The following JAM2 variants were observed in gnomAD, a reference collection of about 807,000 sequenced individuals.
JAM2 encodes the protein junctional adhesion molecule B.
A neutral mutation model predicts 42.0 loss-of-function variants in JAM2; 17 were observed. The ratio of observed to expected loss-of-function variants is 0.40; its 90% CI spans 0.28 to 0.61. JAM2 has a LOEUF of 0.61. JAM2 is among the 20% of genes least tolerant of loss of function. The pLI is 0.37. For missense variants in JAM2, 319 were observed against 358.3 expected (o/e 0.89, Z 0.89); for synonymous variants, 118 against 128.6 (o/e 0.92, Z 0.56).
intron 3 of JAM2, among the ~76,000 whole-genome samples, chr21:25,691,937 G>A (rs2033890251): frequency 6.6e-6 from 1 of 151,818 alleles, no homozygotes; most frequent in Non-Finnish European, 1.5e-5. Context: ...GCTGAGGCAT[G>A]AGAATGGCTT....
At chr21:25,692,656 C>T (rs545581303) in intron 3 of JAM2, 1 of 152,082 alleles carries the variant, frequency 6.6e-6, no homozygotes, top group Admixed American at 6.5e-5. Flanking sequence ...TTATTATGAC[C>T]AACTTTACTG....
chr21:25,701,416 TCTTC>T (rs1243963754), intron 5 of JAM2, among the ~76,000 whole-genome samples: 1 of 151,158 alleles, frequency 6.6e-6, no homozygotes, highest in Non-Finnish European at 1.5e-5. Context: ...TCCCTCCCTC[TCTTC>T]CTTCCTTTCT....
chr21:25,671,599 A>G (rs990961314), intron 1 of JAM2, among the ~76,000 whole-genome samples: 3 of 151,990 alleles, frequency 2.0e-5, no homozygotes, highest in East Asian at 1.9e-4. Context: ...TCCACCTCCC[A>G]GGTTCAAGTG....
In JAM2 at chr21:25,715,742, G is replaced by A. The variant is rs745749161; in HGVS notation, c.*1070G>A. On this transcript the variant is annotated 3_prime_UTR_variant, in exon 10 of 10. Transcript: ENST00000480456. The stretch of plus-strand genomic sequence containing the variant: ...CAAACGAAAAGTGGATCTAATGTGG[G>A]TTTCTCAACCGATGAACCACAAAAG... 5 of 152,148 alleles carry A rather than the reference G, an allele frequency of 3.3e-5. No homozygotes were observed. Among genetic ancestry groups the A allele is most frequent in the African/African-American group, 7.2e-5 (3 of 41,438 alleles). 9.4% of individuals were successfully genotyped at this position (152,148 alleles called of 1,614,324 possible). A position where few individuals can be genotyped will look rare whatever the true frequency, so the allele number is the denominator to read the frequency against.
chr21:25,644,329 G>A (rs188678519), intron 1 of JAM2: 4 of 152,234 alleles, frequency 2.6e-5, no homozygotes, highest in Non-Finnish European at 2.9e-5. Context: ...GTCTGAAACA[G>A]GTCTCACTGG....
chr21:25,699,753 A>AT (rs2034126861), intron 5 of JAM2, among the ~76,000 whole-genome samples: 4 of 145,900 alleles, frequency 2.7e-5, no homozygotes, highest in Admixed American at 1.4e-4. Context: ...AAAAAAAAAA[A>AT]AATGCATGCT....
At position 25,660,207 on chromosome 21, in the gene JAM2, A is replaced by T. The variant is rs8127185; in HGVS notation, c.67+20319A>T. On this transcript the variant is annotated intron_variant, in intron 1 of 9. Coordinates refer to ENST00000480456, the MANE Select transcript of JAM2 (RefSeq NM_021219.4). ...AAGCCTGGGATTACAGGCCTGAGCC[A>T]CTGCACCCAGCCCCTCTTATAGTTT... is the stretch of plus-strand genomic sequence containing the variant. 5.9e-3 allele frequency among the ~76,000 whole-genome samples: 892 copies of T among 152,342 alleles called. 18 individuals carry two copies. Among genetic ancestry groups the T allele is most frequent in the African/African-American group, 0.021 (862 of 41,562 alleles).
At chr21:25,690,070 T>C in intron 3 of JAM2, 97 bp downstream of exon 3, 2 of 760,276 alleles carry the variant, frequency 2.6e-6, no homozygotes, top group Non-Finnish European at 4.5e-6. Flanking sequence ...GACTGATTAC[T>C]GAAAATGTGT....
chr21:25,685,711 T>C (rs1205381014), intron 2 of JAM2, among the ~76,000 whole-genome samples: 1 of 151,942 alleles, frequency 6.6e-6, no homozygotes, highest in East Asian at 1.9e-4. Flanking sequence ...AAATTAACGA[T>C]TGAGGGAATT....
At chr21:25,670,753 A>C (rs1469975692) in intron 1 of JAM2, among the ~76,000 whole-genome samples, 2 of 152,258 alleles carry the variant, frequency 1.3e-5, no homozygotes, top group African/African-American at 2.4e-5. Flanking sequence ...TCCTGGATTT[A>C]CAGGACCCAA....
In JAM2 at chr21:25,663,021, C is replaced by T. The variant is rs186549774; in HGVS notation, c.68-20862C>T. Among the ~76,000 whole-genome samples the T allele has an allele frequency of 2.7e-3, 413 of 152,238 alleles. 3 individuals carry two copies. Among genetic ancestry groups the T allele is most frequent in the African/African-American group, 9.4e-3 (391 of 41,538 alleles). On this transcript the variant is annotated intron_variant, in intron 1 of 9. Coordinates refer to ENST00000480456, the MANE Select transcript of JAM2 (RefSeq NM_021219.4). The stretch of plus-strand genomic sequence containing the variant: ...TGTATGGGAGGACAGAAGGGGCCAG[C>T]GAAAGCTTTACTTTTCTTGACAGTT...
chr21:25,698,150 C>T (rs1035797858), intron 4 of JAM2, among the ~76,000 whole-genome samples: 8 of 152,166 alleles, frequency 5.3e-5, no homozygotes, highest in Non-Finnish European at 1.2e-4. Context: ...GCCCTTAACT[C>T]TCAGTGAGTT....
At chr21:25,668,253 C>G (rs1379322959) in intron 1 of JAM2, among the ~76,000 whole-genome samples, 1 of 152,172 alleles carries the variant, frequency 6.6e-6, no homozygotes. Flanking sequence ...AATGAAGAAC[C>G]AGTCCAAGGT....
At chr21:25,655,383 C>G (rs1430073879) in intron 1 of JAM2, among the ~76,000 whole-genome samples, 1 of 113,860 alleles carries the variant, frequency 8.8e-6, no homozygotes, top group African/African-American at 4.0e-5. Context: ...TCCTTGAAGC[C>G]CTCTGGTCTT....
At chr21:25,680,858 G>C (rs1226313286) in intron 1 of JAM2, among the ~76,000 whole-genome samples, 4 of 152,096 alleles carry the variant, frequency 2.6e-5, no homozygotes, top group African/African-American at 9.7e-5. Context: ...TCACAAAGCA[G>C]ACAGAATGAA....
intron 8 of JAM2, chr21:25,711,298 T>C (rs772454017): frequency 2.7e-6 from 1 of 367,374 alleles, no homozygotes; most frequent in Non-Finnish European, 5.3e-6. Context: ...ACATGAAATA[T>C]GGGTGAGCTC....
intron 4 of JAM2, among the ~76,000 whole-genome samples, chr21:25,694,681 A>T (rs911216804): frequency 6.6e-6 from 1 of 152,056 alleles, no homozygotes; most frequent in African/African-American, 2.4e-5. Flanking sequence ...CTCTAAAAAA[A>T]AATAAATAAA....
At chr21:25,651,861 G>C (rs2032791818) in intron 1 of JAM2, among the ~76,000 whole-genome samples, 1 of 152,178 alleles carries the variant, frequency 6.6e-6, no homozygotes, top group Admixed American at 6.5e-5. Flanking sequence ...AAAGTAAGAT[G>C]CAGAACAATC....
At chr21:25,704,821 A>G (rs529596846) in intron 6 of JAM2, among the ~76,000 whole-genome samples, 20 of 152,330 alleles carry the variant, frequency 1.3e-4, no homozygotes, top group African/African-American at 4.6e-4. Flanking sequence ...CTAGCCTGTT[A>G]CATAGTTGTT....
Sources: allele counts gnomAD v4.1 joint callset (sites outside exome capture counted in the v4.1 genomes callset), GRCh38; gene constraint gnomAD v4.1.1; transcripts MANE v1.5; gene names NCBI Gene and HGNC (gene_info 2026-07-23, HGNC 2026-07-21).